TGFBI: variants seen among roughly 807,000 people sequenced by gnomAD.
The protein encoded by TGFBI is transforming growth factor beta induced, also known as transforming growth factor-beta-induced protein ig-h3.
A neutral mutation model predicts 73.7 loss-of-function variants in TGFBI; 50 were observed. The ratio of observed to expected loss-of-function variants is 0.68; its 90% confidence interval spans 0.54 to 0.86. TGFBI has a LOEUF of 0.86. Ranked by LOEUF, TGFBI falls within the 40% of genes least tolerant of loss-of-function variation. The probability of loss-of-function intolerance (pLI) is 0.00; values close to 1 mark genes in which losing one functional copy is unlikely to be tolerated. For missense variants in TGFBI, 839 were observed against 877.0 expected (o/e 0.96, Z 0.55); for synonymous variants, 362 against 360.5 (o/e 1.00, Z -0.05).
At chr5:136,055,869 G>T in intron 11 of TGFBI, 53 bp downstream of exon 11, 1 of 1,531,174 alleles carries the variant, frequency 6.5e-7, no homozygotes, top group East Asian at 2.4e-5. Flanking sequence ...ATGCTGGAGT[G>T]GGATGTGGGG....
Position 136,063,732 on chromosome 5 carries a change from G to A in TGFBI, c.*506G>A, listed in dbSNP as rs1751789478. 6.0e-6 allele frequency: 1 copy of A among 165,764 alleles called. No homozygotes were observed. Among genetic ancestry groups the A allele is most frequent in the African/African-American group, 2.4e-5 (1 of 41,630 alleles). The allele number at this position is 165,764 out of a possible 1,614,324, so 10.3% of individuals were successfully genotyped here. ...GAGGCTTTTATGGGGCCCTGTCCAG[G>A]TAGAAAAGAAATGGTATGTAGAGCT... is the stretch of plus-strand genomic sequence containing the variant. On this transcript the variant is annotated 3_prime_UTR_variant, in exon 17 of 17. Transcript: ENST00000442011.
At chr5:136,053,872 C>A in intron 8 of TGFBI, 71 bp from the exon 9 acceptor site, 2 of 1,598,700 alleles carry the variant, frequency 1.3e-6, no homozygotes, top group South Asian at 2.2e-5. Context: ...GTGTGTCATG[C>A]CCTGGGGTGG....
intron 2 of TGFBI, among the ~76,000 whole-genome samples, chr5:136,038,472 T>A (rs1236116809): frequency 6.6e-6 from 1 of 151,248 alleles, no homozygotes; most frequent in Non-Finnish European, 1.5e-5. Context: ...ATCCCAGCAC[T>A]TTGGGAGACT....
At chr5:136,033,478 C>T (rs1751158367) in intron 1 of TGFBI, among the ~76,000 whole-genome samples, 1 of 152,168 alleles carries the variant, frequency 6.6e-6, no homozygotes, top group Non-Finnish European at 1.5e-5. Context: ...TTTGTTTACA[C>T]TTATCAATTG....
chr5:136,033,750 C>T lies in TGFBI; in HGVS notation c.135-13C>T, dbSNP rs757235797. ...GCTGATCATCTTCCTAATTCTGCTGCTTTTGTTTTCAGCCCCAACGTGTGT... is the reference window on the plus strand; with the variant it reads ...GCTGATCATCTTCCTAATTCTGCTGTTTTTGTTTTCAGCCCCAACGTGTGT... On this transcript the variant is annotated splice_polypyrimidine_tract_variant and intron_variant, in intron 1 of 16. Transcript: ENST00000442011. The T allele has an allele frequency of 1.2e-6, 2 of 1,611,928 alleles. No homozygotes were observed. The highest frequency in any genetic ancestry group is 1.1e-5 in the South Asian group (1 of 90,910).
intron 9 of TGFBI, 153 bp from the exon 10 acceptor site, chr5:136,054,563 A>C (rs1048773900): frequency 4.0e-6 from 4 of 1,003,386 alleles, no homozygotes; most frequent in African/African-American, 1.6e-5. Context: ...AGAAGATACC[A>C]GATGTTAAGG....
chr5:136,033,888 C>T, intron 2 of TGFBI, 27 bp downstream of exon 2: 3 of 1,593,096 alleles, frequency 1.9e-6, no homozygotes, highest in South Asian at 1.1e-5. Flanking sequence ...AGCCAGGAGA[C>T]CAAGCTGTAT....
intron 3 of TGFBI, chr5:136,046,118 G>A: frequency 2.1e-6 from 1 of 486,602 alleles, no homozygotes; most frequent in Non-Finnish European, 3.6e-6. Context: ...TCACCAATTA[G>A]TTGAGTTCAC....
intron 10 of TGFBI, 72 bp downstream of exon 10, chr5:136,054,933 A>G: frequency 6.5e-7 from 1 of 1,536,592 alleles, no homozygotes; most frequent in South Asian, 1.2e-5. Flanking sequence ...GTAAAAAAAA[A>G]TGTCCTCAAT....
intron 4 of TGFBI, 86 bp from the exon 5 acceptor site, chr5:136,046,765 G>T: frequency 1.3e-6 from 2 of 1,490,346 alleles, no homozygotes; most frequent in South Asian, 2.7e-5. Context: ...CACGAGGGCT[G>T]AGAACATGTT....
chr5:136,061,537 C>T lies in TGFBI; in HGVS notation c.1944C>T (p.Asp648=). ...RPQERGDELA[D]SALEIFKQAS... ...AGGAAAGAGGGGATGAACTTGCAGA[C>T]TCTGCGCTTGAGATCTTCAAACAAG... is the stretch of plus-strand genomic sequence containing the variant. The change falls in exon 15 of 17, where the codon GAC becomes GAT. Residue 648 remains aspartate (D), a synonymous_variant. Coordinates refer to ENST00000442011, the MANE Select transcript of TGFBI (RefSeq NM_000358.3). 1 of 1,612,162 alleles carries T rather than the reference C, an allele frequency of 6.2e-7. No homozygotes were observed. The highest frequency in any genetic ancestry group is 8.5e-7 in the Non-Finnish European group (1 of 1,179,154).
chr5:136,063,146 G>T, intron 16 of TGFBI, 40 bp from the exon 17 acceptor site: 1 of 1,592,800 alleles, frequency 6.3e-7, no homozygotes, highest in South Asian at 1.1e-5. Context: ...GACATGGGGA[G>T]ATCTGCACCT....
intron 10 of TGFBI, 61 bp from the exon 11 acceptor site, chr5:136,055,619 T>A: frequency 6.8e-7 from 1 of 1,472,882 alleles, no homozygotes; most frequent in Non-Finnish European, 9.1e-7. Flanking sequence ...TCTGAACAAA[T>A]CAGGAGGCCC....
intron 12 of TGFBI, among the ~76,000 whole-genome samples, chr5:136,058,524 C>T (rs781675107): frequency 6.6e-6 from 1 of 152,152 alleles, no homozygotes; most frequent in Non-Finnish European, 1.5e-5. Context: ...GAGGGAATAT[C>T]CCCCTCAGCC....
Position 136,029,186 on chromosome 5 carries a change from A to T in TGFBI, c.131A>T (p.His44Leu). ...CACAGCAGGCTCCGGGGCCGCCAGC[A>T]CGGGTAAGCCGAGCCGCCTGGCCAG... ...LQHSRLRGRQHGPNVCAVQKV... is the reference protein window; with the variant it reads ...LQHSRLRGRQLGPNVCAVQKV... Residue 44 changes from histidine (H) to leucine (L), a missense_variant, in exon 1 of 17, where the codon CAC becomes CTC. His to Leu is a moderately conservative substitution (Grantham distance 99). Coordinates refer to ENST00000442011, the MANE Select transcript of TGFBI (RefSeq NM_000358.3). The T allele has an allele frequency of 6.7e-7, 1 of 1,501,970 alleles. No individual in the cohort carries two copies. Among genetic ancestry groups the T allele is most frequent in the Non-Finnish European group, 8.8e-7 (1 of 1,130,702 alleles). The allele number at this position is 1,501,970 out of a possible 1,614,324, so 93.0% of individuals were successfully genotyped here. A position where few individuals can be genotyped will look rare whatever the true frequency, so the allele number is the denominator to read the frequency against.
chr5:136,054,467 G>A (rs1375777581), intron 9 of TGFBI, among the ~76,000 whole-genome samples: 1 of 152,168 alleles, frequency 6.6e-6, no homozygotes. Flanking sequence ...CAGAGAAGGG[G>A]GCCAAGTTGT....
chr5:136,052,077 G>T (rs188037921), intron 7 of TGFBI, among the ~76,000 whole-genome samples: 23 of 152,342 alleles, frequency 1.5e-4, no homozygotes, highest in East Asian at 5.8e-4. Flanking sequence ...GGTTGGGGGG[G>T]GCTCCTCCTC....
intron 16 of TGFBI, 137 bp from the exon 17 acceptor site, chr5:136,063,049 C>T: frequency 1.3e-6 from 1 of 759,562 alleles, no homozygotes; most frequent in Non-Finnish European, 2.2e-6. Context: ...GTTTCACAAA[C>T]CACAAAGCAC....
chr5:136,041,301 A>G (rs1751335311), intron 2 of TGFBI, among the ~76,000 whole-genome samples: 1 of 152,242 alleles, frequency 6.6e-6, no homozygotes, highest in South Asian at 2.1e-4. Flanking sequence ...GAGAAGACTC[A>G]GTGGCCTGAG....
Sources: allele counts gnomAD v4.1 joint callset (sites outside exome capture counted in the v4.1 genomes callset), GRCh38; gene constraint gnomAD v4.1.1; transcripts MANE v1.5; gene names NCBI Gene and HGNC (gene_info 2026-07-23, HGNC 2026-07-21).